Variants in CASD1 observed in about 807,000 individuals in gnomAD.
CASD1 encodes CAS1 domain sialic acid O acetyltransferase 1.
In CASD1, 41 loss-of-function variants were observed where a neutral mutation model predicts 100.0. The observed-to-expected ratio is 0.41, with a 90% CI of 0.32 to 0.53. The LOEUF is 0.53. Among genes scored for constraint, CASD1 ranks in the 20% least tolerant of loss-of-function variants. CASD1 has a pLI of 0.25. For synonymous variants in CASD1, 321 were observed against 315.6 expected (o/e 1.02, Z -0.18); for missense variants, 774 against 948.7 (o/e 0.82, Z 2.42).
intron 1 of CASD1, among the ~76,000 whole-genome samples, chr7:94,510,929 G>A (rs1454816429): frequency 1.3e-5 from 2 of 152,250 alleles, no homozygotes; most frequent in Non-Finnish European, 2.9e-5. Flanking sequence ...GGGTTGACAG[G>A]CGTAAAGGTG....
chr7:94,523,251 A>C (rs912157530), intron 3 of CASD1, among the ~76,000 whole-genome samples: 1 of 152,226 alleles, frequency 6.6e-6, no homozygotes, highest in Non-Finnish European at 1.5e-5. Context: ...TAAACTGAGG[A>C]GTTCATATGA....
intron 14 of CASD1, 66 bp from the exon 15 acceptor site, chr7:94,551,272 C>A (rs753044946): frequency 2.5e-5 from 33 of 1,324,604 alleles, no homozygotes; most frequent in Non-Finnish European, 3.4e-5. Flanking sequence ...TCCTCACTAA[C>A]CAAATATTTT....
At chr7:94,542,369 AC>A (rs1795448508) in intron 10 of CASD1, among the ~76,000 whole-genome samples, 1 of 152,214 alleles carries the variant, frequency 6.6e-6, no homozygotes, top group Non-Finnish European at 1.5e-5. Context: ...TGAAATGTAT[AC>A]CACATTAAAT....
the CASD1 span, among the ~76,000 whole-genome samples, chr7:94,613,236 A>G: frequency 0.13 from 20,467 of 152,218 alleles, 1,545 homozygotes; most frequent in South Asian, 0.24. Flanking sequence ...GTTTGAACAC[A>G]CTGGCTTTTA....
the CASD1 span, chr7:94,620,175 T>G: frequency 1.3e-5 from 2 of 152,188 alleles, no homozygotes; most frequent in African/African-American, 4.8e-5. Flanking sequence ...CCTAAAATCT[T>G]GGTTAACTTA....
chr7:94,629,943 G>T, the CASD1 span: 2 of 1,341,844 alleles, frequency 1.5e-6, no homozygotes, highest in Non-Finnish European at 1.0e-6. Context: ...TCACTATGTA[G>T]ACATTTCTGG....
chr7:94,582,575 C>A, the CASD1 span, among the ~76,000 whole-genome samples: 2 of 152,120 alleles, frequency 1.3e-5, no homozygotes, highest in African/African-American at 2.4e-5. Context: ...GTATAGATTG[C>A]AAAAATTTTC....
At position 94,544,537 on chromosome 7, in the gene CASD1, A is replaced by T. The variant is rs1437767830; in HGVS notation, c.1476+7A>T. The T allele has an allele frequency of 6.2e-7, 1 of 1,606,534 alleles. No homozygotes were observed. Among genetic ancestry groups the T allele is most frequent in the South Asian group, 1.1e-5 (1 of 88,688 alleles). On this transcript the variant is annotated splice_region_variant and intron_variant, in intron 11 of 17. Transcript: ENST00000297273. ...AATCTATAGAGTATGTCAGGTAGGAATGCACTGTTATTTCCTTTTCTTCCA... is the reference window on the plus strand; with the variant it reads ...AATCTATAGAGTATGTCAGGTAGGATTGCACTGTTATTTCCTTTTCTTCCA...
the CASD1 span, chr7:94,628,070 C>T: frequency 1.5e-6 from 1 of 673,846 alleles, no homozygotes; most frequent in South Asian, 1.8e-5. Flanking sequence ...ACTGTGTTTC[C>T]ATGCACAAAA....
At chr7:94,582,317 C>G in the CASD1 span, among the ~76,000 whole-genome samples, 3 of 152,090 alleles carry the variant, frequency 2.0e-5, no homozygotes, top group Non-Finnish European at 4.4e-5. Flanking sequence ...GGGGTTTTAC[C>G]ATGTCGGCCA....
chr7:94,603,311 A>C, the CASD1 span: 1 of 1,612,366 alleles, frequency 6.2e-7, no homozygotes, highest in South Asian at 1.1e-5. Flanking sequence ...TGCACCAGTC[A>C]ATGTAAAATT....
chr7:94,628,008 G>A, the CASD1 span: 5 of 522,774 alleles, frequency 9.6e-6, no homozygotes, highest in Non-Finnish European at 1.7e-5. Flanking sequence ...TATAAAAGCT[G>A]AAACAAAAAC....
chr7:94,567,052 T>G, the CASD1 span, among the ~76,000 whole-genome samples: 2 of 152,122 alleles, frequency 1.3e-5, no homozygotes, highest in African/African-American at 4.8e-5. Context: ...TTACCAGAGG[T>G]GTTACACACT....
At chr7:94,599,924 T>C in the CASD1 span, 2 of 419,658 alleles carry the variant, frequency 4.8e-6, no homozygotes, top group Admixed American at 8.2e-5. Flanking sequence ...GAGAAACACA[T>C]AGAAAAATGA....
At chr7:94,573,372 T>C in the CASD1 span, among the ~76,000 whole-genome samples, 6 of 152,344 alleles carry the variant, frequency 3.9e-5, no homozygotes, top group Non-Finnish European at 7.3e-5. Context: ...TGGGAAGTTT[T>C]TCCATTTGTT....
At chr7:94,526,578 C>T (rs1794579580) in intron 3 of CASD1, among the ~76,000 whole-genome samples, 1 of 152,150 alleles carries the variant, frequency 6.6e-6, no homozygotes, top group Non-Finnish European at 1.5e-5. Flanking sequence ...CACTTGAGCC[C>T]AGGAGTTCGA....
the CASD1 span, among the ~76,000 whole-genome samples, chr7:94,577,308 A>G: frequency 6.6e-6 from 1 of 152,078 alleles, no homozygotes; most frequent in South Asian, 2.1e-4. Context: ...CTGCTCCCCA[A>G]AGCGTTGTTT....
At chr7:94,597,622 A>T in the CASD1 span, 1 of 152,262 alleles carries the variant, frequency 6.6e-6, no homozygotes, top group African/African-American at 2.4e-5. Context: ...TCCATCTATA[A>T]AAGTAAAGTG....
At chr7:94,585,806 T>C in the CASD1 span, among the ~76,000 whole-genome samples, 1 of 152,054 alleles carries the variant, frequency 6.6e-6, no homozygotes, top group Non-Finnish European at 1.5e-5. Context: ...GGAGGTTAAC[T>C]GCAGGATGTA....
Sources: allele counts gnomAD v4.1 joint callset (sites outside exome capture counted in the v4.1 genomes callset), GRCh38; gene constraint gnomAD v4.1.1; transcripts MANE v1.5; gene names NCBI Gene and HGNC (gene_info 2026-07-23, HGNC 2026-07-21).